CAMK1D: variants seen among roughly 807,000 people sequenced by gnomAD.
The protein encoded by CAMK1D is calcium/calmodulin-dependent protein kinase type 1D.
In CAMK1D, 9 loss-of-function variants were observed where a neutral mutation model predicts 47.7. The observed-to-expected ratio is 0.19, with a 90% confidence interval of 0.11 to 0.33. The LOEUF is 0.33. Among genes scored for constraint, CAMK1D ranks in the 10% least tolerant of loss-of-function variants. The pLI is 1.00. For synonymous variants in CAMK1D, 184 were observed against 184.9 expected, an observed-to-expected ratio of 0.99 and a Z score of 0.04; for missense variants, 291 against 488.7, an observed-to-expected ratio of 0.60 and a Z score of 3.81.
At chr10:12,433,495 C>T (rs1331502974) in intron 1 of CAMK1D, among the ~76,000 whole-genome samples, 3 of 151,928 alleles carry the variant, frequency 2.0e-5, no homozygotes, top group Admixed American at 2.0e-4. Context: ...ATTTAGTCAA[C>T]AAAAGAAGCA....
rs1836641201 is a variant in CAMK1D at position 12,553,122 on chromosome 10, G to A, written c.93-103G>A. The A allele has an allele frequency of 2.5e-6, 4 of 1,580,612 alleles. No individual in the cohort carries two copies. The South Asian group carries it at 3.5e-5, about 14-fold the overall frequency. ...AAGTAACAGTAATGCTTACAACTGT[G>A]CCGTCGTTATTGTTTACTCAAACTT... is the stretch of plus-strand genomic sequence containing the variant. On this transcript the variant is annotated intron_variant, in intron 1 of 10. Coordinates refer to ENST00000619168, the MANE Select transcript of CAMK1D (RefSeq NM_153498.4).
chr10:12,477,882 C>T (rs975156697), intron 1 of CAMK1D, among the ~76,000 whole-genome samples: 1 of 152,136 alleles, frequency 6.6e-6, no homozygotes, highest in Admixed American at 6.6e-5. Flanking sequence ...CATGGAATCC[C>T]GTATGCTTTA....
intron 1 of CAMK1D, among the ~76,000 whole-genome samples, chr10:12,367,459 T>C (rs1374894235): frequency 1.3e-5 from 2 of 151,884 alleles, no homozygotes; most frequent in Non-Finnish European, 2.9e-5. Context: ...ATTCCTATTA[T>C]TATTACCTAT....
chr10:12,664,558 C>G (rs1028368281), intron 2 of CAMK1D, among the ~76,000 whole-genome samples: 5 of 152,206 alleles, frequency 3.3e-5, no homozygotes, highest in African/African-American at 1.2e-4. Context: ...TGACTGGACT[C>G]TGGGGCTCAG....
intron 1 of CAMK1D, among the ~76,000 whole-genome samples, chr10:12,549,912 A>G (rs1836522615): frequency 6.6e-6 from 1 of 152,016 alleles, no homozygotes; most frequent in African/African-American, 2.4e-5. Flanking sequence ...TCCTGCGGCA[A>G]CCTCGCTTCT....
rs57429397 is a variant in CAMK1D at position 12,801,354 on chromosome 10, T to TATCTATCTTATCTATCTATCTATCTATC, written c.641+10121_641+10122insATCTATCTTATCTATCTATCTATCTATC. 1.5e-3 allele frequency among the ~76,000 whole-genome samples: 103 copies of TATCTATCTTATCTATCTATCTATCTATC among 66,494 alleles called. 1 individual carries two copies. The highest frequency in any genetic ancestry group is 1.8e-3 in the Non-Finnish European group (57 of 32,498). 43.6% of individuals were successfully genotyped at this position (66,494 alleles called of 152,430 possible). On this transcript the variant is annotated intron_variant, in intron 6 of 10. Coordinates refer to ENST00000619168, the MANE Select transcript of CAMK1D (RefSeq NM_153498.4). The stretch of plus-strand genomic sequence containing the variant: ...CTATCTATCTATCTATCTATCTATC[T>TATCTATCTTATCTATCTATCTATCTATC]TATCTATCTATCTATCTATCTATCT...
In CAMK1D at chr10:12,834,661, T is replaced by C. The variant is rs1277253437; in HGVS notation, c.*5774T>C. 2 of 152,184 alleles carry C rather than the reference T, an allele frequency of 1.3e-5. No homozygotes were observed. The highest frequency in any genetic ancestry group is 4.8e-5 in the African/African-American group (2 of 41,444). The allele number at this position is 152,184 out of a possible 1,614,324, so 9.4% of individuals were successfully genotyped here. ...TATGTCTTCTGATGATTTGCCATGT[T>C]ATTTTAAAGGTGATTTTATTTTCTT... On this transcript the variant is annotated 3_prime_UTR_variant, in exon 11 of 11. Transcript: ENST00000619168.
chr10:12,787,872 C>T (rs778201246), intron 5 of CAMK1D, among the ~76,000 whole-genome samples: 9 of 152,114 alleles, frequency 5.9e-5, no homozygotes, highest in African/African-American at 1.2e-4. Context: ...TGGTGGTGCA[C>T]GCCTGTAATC....
At chr10:12,378,846 T>C (rs1838261109) in intron 1 of CAMK1D, among the ~76,000 whole-genome samples, 1 of 149,214 alleles carries the variant, frequency 6.7e-6, no homozygotes, top group Non-Finnish European at 1.5e-5. Flanking sequence ...AGTCTTGCTC[T>C]GTCGCCTGGC....
In CAMK1D at chr10:12,487,490, A is replaced by T. The variant is rs187408696; in HGVS notation, c.93-65735A>T. Reference sequence around the variant, plus strand: ...CTCTAACAGCTAACATGGACCTGGGAGTTGGCCTGTGGCAGAGACAGCCTG... The same window carrying T: ...CTCTAACAGCTAACATGGACCTGGGTGTTGGCCTGTGGCAGAGACAGCCTG... On this transcript the variant is annotated intron_variant, in intron 1 of 10. Coordinates refer to ENST00000619168, the MANE Select transcript of CAMK1D (RefSeq NM_153498.4). Among the ~76,000 whole-genome samples the T allele has an allele frequency of 4.6e-5, 7 of 152,360 alleles. No homozygotes were observed. In the East Asian group the frequency reaches 1.3e-3, roughly 29 times the overall value.
At position 12,447,530 on chromosome 10, in the gene CAMK1D, C is replaced by T. The variant is rs1361698267; in HGVS notation, c.92+97620C>T. ...CAGCCTGGGCTACATAGCAAGACCC[C>T]GTCTCTCCAAAAAATTAAGAAATTA... On this transcript the variant is annotated intron_variant, in intron 1 of 10. Transcript: ENST00000619168. Among the ~76,000 whole-genome samples, 10 of 152,184 alleles carry T rather than the reference C, an allele frequency of 6.6e-5. No homozygotes were observed. In the East Asian group the frequency reaches 9.7e-4, roughly 15 times the overall value.
At chr10:12,498,984 AGCAGT>A in intron 1 of CAMK1D, among the ~76,000 whole-genome samples, 1 of 152,098 alleles carries the variant, frequency 6.6e-6, no homozygotes, top group African/African-American at 2.4e-5. Context: ...TAGCAGTTTT[AGCAGT>A]GGATAAAACA....
intron 1 of CAMK1D, among the ~76,000 whole-genome samples, chr10:12,432,902 C>A (rs1832529541): frequency 6.6e-6 from 1 of 152,062 alleles, no homozygotes; most frequent in Admixed American, 6.5e-5. Context: ...AGCTGCTGCA[C>A]AGCACAGGAT....
intron 2 of CAMK1D, among the ~76,000 whole-genome samples, chr10:12,576,139 T>A (rs1251064069): frequency 6.6e-6 from 1 of 152,218 alleles, no homozygotes; most frequent in Non-Finnish European, 1.5e-5. Flanking sequence ...AATAGTTTAT[T>A]TATGTTGTTT....
chr10:12,641,549 G>T (rs1839665926), intron 2 of CAMK1D, among the ~76,000 whole-genome samples: 1 of 151,838 alleles, frequency 6.6e-6, no homozygotes, highest in African/African-American at 2.4e-5. Flanking sequence ...GCCTGGGGAG[G>T]TCGAGGCTGC....
intron 3 of CAMK1D, among the ~76,000 whole-genome samples, chr10:12,753,541 T>A (rs1836085306): frequency 6.6e-6 from 1 of 152,182 alleles, no homozygotes; most frequent in Non-Finnish European, 1.5e-5. Context: ...GTTGTGAGAT[T>A]TTTTTCCAAA....
rs1837630923 is a variant in CAMK1D at position 12,580,458 on chromosome 10, A to G, written c.224+27102A>G. Among the ~76,000 whole-genome samples the G allele has an allele frequency of 2.0e-5, 3 of 151,316 alleles. No homozygotes were observed. The South Asian group carries it at 6.2e-4, about 31-fold the overall frequency. The stretch of plus-strand genomic sequence containing the variant: ...AAAGCTAGTGACTCTGCAATTGTTG[A>G]ATTAGCTACAGATTAACTCCTCTGA... On this transcript the variant is annotated intron_variant, in intron 2 of 10. Transcript: ENST00000619168.
chr10:12,620,229 A>G (rs1470079999), intron 2 of CAMK1D, among the ~76,000 whole-genome samples: 7 of 149,606 alleles, frequency 4.7e-5, no homozygotes, highest in Non-Finnish European at 8.9e-5. Flanking sequence ...TAAAGCTGCT[A>G]TAAACGTCCA....
intron 4 of CAMK1D, among the ~76,000 whole-genome samples, chr10:12,769,092 A>G (rs1171883024): frequency 1.3e-5 from 2 of 152,218 alleles, no homozygotes; most frequent in Non-Finnish European, 2.9e-5. Flanking sequence ...TTAAGGGTAC[A>G]TGGCTGGAAG....
Sources: gnomAD v4.1 joint callset for allele counts (sites outside exome capture counted in the v4.1 genomes callset) on GRCh38, gnomAD v4.1.1 for gene constraint, MANE v1.5 for transcripts, NCBI Gene and HGNC (gene_info 2026-07-23, HGNC 2026-07-21) for gene names.